The following TAF1 variants were observed in gnomAD, a reference collection of about 807,000 sequenced individuals.
TAF1 encodes transcription initiation factor TFIID subunit 1.
In TAF1, 2 loss-of-function variants were observed where a neutral mutation model predicts 138.5. That is an observed-to-expected ratio of 0.01 (90% confidence interval 0.01 to 0.05). The LOEUF (loss-of-function observed/expected upper bound fraction) is 0.05, where lower values mean the gene tolerates loss of function less well. Among genes scored for constraint, TAF1 ranks in the 10% least tolerant of loss-of-function variants. The pLI is 1.00. For synonymous variants in TAF1, 437 were observed against 503.2 expected (o/e 0.87, Z 1.76); for missense variants, 709 against 1,478.0 (o/e 0.48, Z 8.53).
Position 71,442,841 on chromosome X carries a change from A to G in TAF1, c.4754-11329A>G, listed in dbSNP as rs183044388. Among the ~76,000 whole-genome samples, 136 of 111,939 alleles carry G rather than the reference A, an allele frequency of 1.2e-3. 2 individuals are homozygous for G. In the East Asian group the frequency reaches 0.036, roughly 30 times the overall value. On this transcript the variant is annotated intron_variant, in intron 32 of 37. Coordinates refer to ENST00000423759, the MANE Select transcript of TAF1 (RefSeq NM_004606.5). ...TCCATCTTGAATTAATTTTTGTATA[A>G]GGTGTAAGGAAGGGATCCAGTTTCA... is the stretch of plus-strand genomic sequence containing the variant.
intron 32 of TAF1, among the ~76,000 whole-genome samples, chrX:71,445,159 G>T (rs1008554433): frequency 4.6e-5 from 5 of 109,774 alleles, no homozygotes; most frequent in Admixed American, 9.8e-5. Flanking sequence ...AATTAGGTGG[G>T]TGTGGTGGTG....
intron 13 of TAF1, among the ~76,000 whole-genome samples, chrX:71,525,203 G>T (rs752610764): frequency 1.8e-5 from 2 of 108,887 alleles, no homozygotes; most frequent in East Asian, 2.9e-4. Flanking sequence ...CACCACACCC[G>T]GCTAATTTTT....
Position 71,463,968 on chromosome X carries a change from C to T in TAF1, c.5544C>T (p.Val1848=), listed in dbSNP as rs2038659912. 8.3e-7 allele frequency: 1 copy of T among 1,204,711 alleles called. No individual in the cohort carries two copies. The highest frequency in any genetic ancestry group is 1.1e-6 in the Non-Finnish European group (1 of 891,753). The change falls in exon 38 of 38, where the codon GTC becomes GTT. Residue 1848 remains valine, a synonymous_variant. Coordinates refer to ENST00000423759, the MANE Select transcript of TAF1 (RefSeq NM_004606.5). ...QRSGPSVLSQ[V]HLSEDEEDSE... ...CTGGGCCGAGCGTACTAAGCCAGGT[C>T]CACCTGTCAGAGGACGAGGAGGACA...
At chrX:71,448,559 A>G (rs554021410) in intron 32 of TAF1, among the ~76,000 whole-genome samples, 2 of 111,997 alleles carry the variant, frequency 1.8e-5, no homozygotes, top group African/African-American at 6.5e-5. Context: ...ATTTTTATCC[A>G]CAATTTAACA....
intron 13 of TAF1, 23 bp from the exon 14 acceptor site, chrX:71,384,922 T>C (rs2034125336): frequency 3.6e-6 from 4 of 1,101,417 alleles, no homozygotes; most frequent in Non-Finnish European, 5.0e-6. Flanking sequence ...TCTAAATAAC[T>C]GGGTCTTCTG....
At chrX:71,366,909 T>C in intron 1 of TAF1, among the ~76,000 whole-genome samples, 1 of 111,822 alleles carries the variant, frequency 8.9e-6, no homozygotes, top group East Asian at 2.8e-4. Context: ...CTCCCGCTCG[T>C]TTGGTTCCGG....
chrX:71,409,954 G>A (rs932567872), intron 28 of TAF1, among the ~76,000 whole-genome samples: 4 of 107,912 alleles, frequency 3.7e-5, no homozygotes, highest in Admixed American at 1.0e-4. Flanking sequence ...GTGCAGTGGC[G>A]CCATCTTGTC....
intron 32 of TAF1, among the ~76,000 whole-genome samples, chrX:71,425,183 T>A (rs1383640714): frequency 1.8e-5 from 2 of 111,241 alleles, no homozygotes; most frequent in Non-Finnish European, 3.8e-5. Flanking sequence ...CTATAGACCA[T>A]GGTGAGCTTC....
chrX:71,391,169 A>G (rs866858190), intron 18 of TAF1, among the ~76,000 whole-genome samples: 9 of 111,252 alleles, frequency 8.1e-5, no homozygotes, highest in Middle Eastern at 9.3e-3. Context: ...CATAGTACTG[A>G]ACTTGGTTGG....
rs149605307 is a variant in TAF1 at position 71,377,779 on chromosome X, C to T, written c.891C>T (p.Tyr297=). 772 of 1,208,996 alleles carry T rather than the reference C, an allele frequency of 6.4e-4. No individual in the cohort carries two copies. Among genetic ancestry groups the T allele is most frequent in the Non-Finnish European group, 8.3e-4 (745 of 895,012 alleles). ...VSQKSLWNYD[Y]APPPPPEQCL... is the part of the protein sequence containing the mutation. Reference sequence around the variant, plus strand: ...AGAAGTCTTTGTGGAACTACGACTACGCTCCACCACCACCTCCAGAGCAGT... The same window carrying T: ...AGAAGTCTTTGTGGAACTACGACTATGCTCCACCACCACCTCCAGAGCAGT... Residue 297 remains tyrosine (Y), a synonymous_variant, in exon 6 of 38, where the codon TAC becomes TAT. Transcript: ENST00000423759.
intron 6 of TAF1, 26 bp from the exon 7 acceptor site, chrX:71,378,209 T>C (rs866607511): frequency 8.3e-7 from 1 of 1,202,675 alleles, no homozygotes; most frequent in Middle Eastern, 2.3e-4. Context: ...AAATTCTCCC[T>C]GCTCTACTTC....
chrX:71,527,454 T>C (rs1406202817), intron 13 of TAF1, among the ~76,000 whole-genome samples: 1 of 108,811 alleles, frequency 9.2e-6, no homozygotes, highest in East Asian at 2.9e-4. Context: ...TGAATACATA[T>C]GAAATGTGCT....
At chrX:71,507,202 C>T (rs778268223) in intron 13 of TAF1, among the ~76,000 whole-genome samples, 2 of 111,567 alleles carry the variant, frequency 1.8e-5, no homozygotes, top group South Asian at 7.5e-4. Flanking sequence ...TATACACTTT[C>T]AAATGGTTAA....
chrX:71,436,626 C>G (rs1428170258), intron 32 of TAF1, among the ~76,000 whole-genome samples: 1 of 111,316 alleles, frequency 9.0e-6, no homozygotes, highest in African/African-American at 3.3e-5. Context: ...GGATTACAGG[C>G]ATAAGCCAAT....
chrX:71,384,269 T>C (rs1351815474), intron 13 of TAF1, 134 bp downstream of exon 13: 1 of 711,373 alleles, frequency 1.4e-6, no homozygotes, highest in African/African-American at 2.2e-5. Flanking sequence ...AAATTTTTTA[T>C]TATTAACGTA....
chrX:71,441,222 T>C (rs1441053717), intron 32 of TAF1, among the ~76,000 whole-genome samples: 1 of 110,739 alleles, frequency 9.0e-6, no homozygotes, highest in Non-Finnish European at 1.9e-5. Flanking sequence ...TTCATTTCTT[T>C]GGCCCAGTTT....
intron 25 of TAF1, among the ~76,000 whole-genome samples, chrX:71,402,978 ATC>A (rs1182013365): frequency 2.7e-5 from 3 of 109,255 alleles, no homozygotes; most frequent in African/African-American, 1.0e-4. Flanking sequence ...TATATTTTGA[ATC>A]TCTCTTAATC....
chrX:71,513,500 A>C (rs2039768962), intron 13 of TAF1, among the ~76,000 whole-genome samples: 1 of 111,318 alleles, frequency 9.0e-6, no homozygotes, highest in Non-Finnish European at 1.9e-5. Flanking sequence ...CCAACGTTAG[A>C]GGTCTGTGGG....
At chrX:71,370,290 T>C (rs1188954219) in intron 3 of TAF1, among the ~76,000 whole-genome samples, 7 of 110,902 alleles carry the variant, frequency 6.3e-5, no homozygotes, top group African/African-American at 2.0e-4. Flanking sequence ...AATCTAGAGG[T>C]ATTGGTCCAT....
Sources: gnomAD v4.1 joint callset for allele counts (sites outside exome capture counted in the v4.1 genomes callset) on GRCh38, gnomAD v4.1.1 for gene constraint, MANE v1.5 for transcripts, NCBI Gene and HGNC (gene_info 2026-07-23, HGNC 2026-07-21) for gene names.